Variants in DDX60 observed in about 807,000 individuals in gnomAD.
DDX60 encodes the protein probable ATP-dependent RNA helicase DDX60.
In DDX60, 165 loss-of-function variants were observed where a neutral mutation model predicts 212.8. The ratio of observed to expected loss-of-function variants is 0.78; its 90% confidence interval spans 0.68 to 0.88. The LOEUF (loss-of-function observed/expected upper bound fraction) is 0.88, where lower values mean the gene tolerates loss of function less well. Among genes scored for constraint, DDX60 ranks in the 40% least tolerant of loss-of-function variants. The pLI is 0.00. For synonymous variants in DDX60, 703 were observed against 685.3 expected (o/e 1.03, Z -0.40); for missense variants, 1,905 against 2,003.9 (o/e 0.95, Z 0.94).
Position 168,285,442 on chromosome 4 carries a change from C to T in DDX60, c.1396G>A (p.Val466Ile), listed in dbSNP as rs200775584. ...LGFIPTSSFV[V>I]DKFAGDILKD... ...AAAATATCTCCAGCAAATTTATCAA[C>T]CACAAAAGATGACGTTGGAATAAAA... Residue 466 changes from valine (V) to isoleucine (I), a missense_variant, in exon 11 of 38, where the codon GTT becomes ATT. By Grantham distance (29) the Val-to-Ile change is conservative. Transcript: ENST00000393743. 28 of 1,611,382 alleles carry T rather than the reference C, an allele frequency of 1.7e-5. No individual in the cohort carries two copies. The highest frequency in any genetic ancestry group is 2.3e-5 in the Non-Finnish European group (27 of 1,179,256).
chr4:168,267,746 A>C, intron 21 of DDX60, 55 bp from the exon 22 acceptor site: 2 of 1,539,916 alleles, frequency 1.3e-6, no homozygotes, highest in African/African-American at 2.8e-5. Flanking sequence ...CACTGAAACA[A>C]ATTTAAAGTA....
chr4:168,234,273 A>G (rs1220937573), intron 33 of DDX60, among the ~76,000 whole-genome samples: 1 of 151,754 alleles, frequency 6.6e-6, no homozygotes, highest in Admixed American at 6.6e-5. Flanking sequence ...ATTCCCAGCT[A>G]TTATCTTTTT....
At chr4:168,237,481 A>T in intron 31 of DDX60, 54 bp from the exon 32 acceptor site, 2 of 1,453,468 alleles carry the variant, frequency 1.4e-6, no homozygotes, top group South Asian at 1.5e-5. Context: ...CATAATAAGT[A>T]ACTTATTAAG....
rs967450290 is a variant in DDX60, at chr4:168,311,342, C to A, written c.-83G>T. On this transcript the variant is annotated 5_prime_UTR_variant, in exon 2 of 38. Transcript: ENST00000393743. ...CCTTTATTTTGGTACCTCTAAGTGGCAGTTCTTAATGAAAATGGCAGTCCT... is the reference window on the plus strand; with the variant it reads ...CCTTTATTTTGGTACCTCTAAGTGGAAGTTCTTAATGAAAATGGCAGTCCT... The A allele has an allele frequency of 6.9e-7, 1 of 1,457,298 alleles. No individual in the cohort carries two copies. Among genetic ancestry groups the A allele is most frequent in the African/African-American group, 1.4e-5 (1 of 70,370 alleles). 90.3% of individuals were successfully genotyped at this position (1,457,298 alleles called of 1,614,324 possible). A position where few individuals can be genotyped will look rare whatever the true frequency, so the allele number is the denominator to read the frequency against.
At chr4:168,250,777 G>A (rs1478737020) in intron 28 of DDX60, among the ~76,000 whole-genome samples, 177 bp downstream of exon 28, 5 of 151,724 alleles carry the variant, frequency 3.3e-5, no homozygotes, top group East Asian at 2.0e-4. Flanking sequence ...CGTCCATCTC[G>A]GCCTCCCAAA....
Position 168,293,909 on chromosome 4 carries a change from GC to G in DDX60, c.759del (p.Trp253CysfsTer20). The stretch of plus-strand genomic sequence containing the variant: ...ACACGCCGAATGTCAGATCCTTCTG[GC>G]CAGACTTGTGTAAGCAGAGATACAG... ...HKTVSLLTQV[W>X]PEGSDIRRVF... On this transcript the variant is annotated frameshift_variant, in exon 7 of 38. Coordinates refer to ENST00000393743, the MANE Select transcript of DDX60 (RefSeq NM_017631.6). LOFTEE classifies it high-confidence loss of function. 6.2e-7 allele frequency: 1 copy of G among 1,613,790 alleles called. No individual in the cohort carries two copies. Among genetic ancestry groups the G allele is most frequent in the East Asian group, 2.2e-5 (1 of 44,846 alleles).
In DDX60 at chr4:168,294,750, C is replaced by T. The variant is rs187515824; in HGVS notation, c.724-805G>A. Among the ~76,000 whole-genome samples the T allele has an allele frequency of 2.6e-3, 403 of 152,238 alleles. 1 individual carries two copies. Among genetic ancestry groups the T allele is most frequent in the African/African-American group, 7.2e-3 (300 of 41,532 alleles). On this transcript the variant is annotated intron_variant, in intron 6 of 37. Transcript: ENST00000393743. ...CTAATCACCTCAAATGATCCACCCACCTAGGCCTCCCAAAGTGCTGGGATT... is the reference window on the plus strand; with the variant it reads ...CTAATCACCTCAAATGATCCACCCATCTAGGCCTCCCAAAGTGCTGGGATT...
intron 16 of DDX60, among the ~76,000 whole-genome samples, chr4:168,274,600 C>G (rs1199416313): frequency 1.3e-5 from 2 of 152,134 alleles, no homozygotes; most frequent in Admixed American, 6.5e-5. Context: ...CCCAACCGGT[C>G]CACTCCCGGC....
At chr4:168,237,585 T>A (rs1733674065) in intron 31 of DDX60, 106 bp downstream of exon 31, 2 of 1,151,372 alleles carry the variant, frequency 1.7e-6, no homozygotes, top group Middle Eastern at 2.4e-4. Context: ...ATAAATAATA[T>A]CAATCATTGG....
Position 168,284,879 on chromosome 4 carries a change from T to C in DDX60, c.1502A>G (p.His501Arg), listed in dbSNP as rs764319785. Residue 501 changes from histidine to arginine, a missense_variant, in exon 12 of 38, where the codon CAC becomes CGC. Physicochemically the swap from His to Arg is conservative, Grantham distance 29. Coordinates refer to ENST00000393743, the MANE Select transcript of DDX60 (RefSeq NM_017631.6). ...ACTCAGGGGTTTATGAGAATGCCAG[T>C]GCACAAGTTCATCAAATTCCTTTTG... ...VKQKEFDELV[H>R]WHSHKPLSDD... 83 of 1,598,698 alleles carry C rather than the reference T, an allele frequency of 5.2e-5. No individual in the cohort carries two copies. In the Middle Eastern group the frequency reaches 1.7e-3, roughly 32 times the overall value.
chr4:168,295,449 CTG>C (rs1270612848), intron 6 of DDX60, among the ~76,000 whole-genome samples: 1 of 152,200 alleles, frequency 6.6e-6, no homozygotes, highest in African/African-American at 2.4e-5. Flanking sequence ...AGCGTTCAAA[CTG>C]TGTTCAAATA....
intron 6 of DDX60, among the ~76,000 whole-genome samples, chr4:168,298,379 A>G (rs1020170452): frequency 6.6e-6 from 1 of 152,204 alleles, no homozygotes; most frequent in Non-Finnish European, 1.5e-5. Context: ...AGAAATACTA[A>G]AAATAAAGGA....
intron 14 of DDX60, among the ~76,000 whole-genome samples, chr4:168,277,396 C>T (rs1163985798): frequency 6.6e-6 from 1 of 152,146 alleles, no homozygotes; most frequent in East Asian, 1.9e-4. Context: ...GTTCTTTTTG[C>T]ACCCGTCTTT....
intron 28 of DDX60, among the ~76,000 whole-genome samples, chr4:168,248,505 C>T (rs1734099153): frequency 6.6e-6 from 1 of 152,166 alleles, no homozygotes; most frequent in African/African-American, 2.4e-5. Flanking sequence ...ATATTCTTCC[C>T]CAAATATTCG....
Position 168,306,618 on chromosome 4 carries a change from ATGT to A in DDX60, c.364_366del (p.Thr122del). 2 of 1,614,122 alleles carry A rather than the reference ATGT, an allele frequency of 1.2e-6. No homozygotes were observed. The highest frequency in any genetic ancestry group is 1.1e-5 in the South Asian group (1 of 91,086). On this transcript the variant is annotated inframe_deletion, in exon 5 of 38. Coordinates refer to ENST00000393743, the MANE Select transcript of DDX60 (RefSeq NM_017631.6). ...CACTCTTTTGATAAGCATCTCGAAAATGTTGTTCGAACATCAATGGTGGTATTC... is the reference window on the plus strand; with the variant it reads ...CACTCTTTTGATAAGCATCTCGAAAATGTTCGAACATCAATGGTGGTATTC...
chr4:168,237,872 G>T (rs1050230916), intron 30 of DDX60, 77 bp from the exon 31 acceptor site: 74 of 1,072,372 alleles, frequency 6.9e-5, no homozygotes, highest in Non-Finnish European at 9.8e-5. Flanking sequence ...ATAAATGATA[G>T]ATCAATATCT....
At chr4:168,225,379 A>C in intron 34 of DDX60, 150 bp downstream of exon 34, 1 of 815,212 alleles carries the variant, frequency 1.2e-6, no homozygotes, top group Non-Finnish European at 1.8e-6. Flanking sequence ...CTAATAAGCA[A>C]AATTTTTTTC....
intron 25 of DDX60, among the ~76,000 whole-genome samples, chr4:168,257,172 C>T (rs545495429): frequency 4.7e-4 from 72 of 152,218 alleles, no homozygotes; most frequent in Admixed American, 1.6e-3. Flanking sequence ...ATGAGCTGGG[C>T]GTGGTGGCAC....
In DDX60 at chr4:168,216,964, G is replaced by A; in HGVS notation, c.5108C>T (p.Thr1703Ile). 6.2e-7 allele frequency: 1 copy of A among 1,603,966 alleles called. No individual in the cohort carries two copies. Among genetic ancestry groups the A allele is most frequent in the Non-Finnish European group, 8.5e-7 (1 of 1,176,846 alleles). The part of the protein sequence containing the change: ...NVVLAFEQLS[T>I]TFWEKLNKV Reference sequence around the variant, plus strand: ...TTTGTTTAACTTTTCCCAAAAAGTTGTACTCAGTTGTTCAAAGGCTAAGAC... The same window carrying A: ...TTTGTTTAACTTTTCCCAAAAAGTTATACTCAGTTGTTCAAAGGCTAAGAC... Residue 1703 changes from threonine to isoleucine, a missense_variant, in exon 38 of 38, where the codon ACA becomes ATA. Transcript: ENST00000393743.
Sources: gnomAD v4.1 joint callset for allele counts (sites outside exome capture counted in the v4.1 genomes callset) on GRCh38, gnomAD v4.1.1 for gene constraint, MANE v1.5 for transcripts, NCBI Gene and HGNC (gene_info 2026-07-23, HGNC 2026-07-21) for gene names.